The following ABL2 variants were observed in gnomAD, a reference collection of about 807,000 sequenced individuals.
The protein encoded by ABL2 is ABL proto-oncogene 2, non-receptor tyrosine kinase.
A neutral mutation model predicts 107.7 loss-of-function variants in ABL2; 49 were observed. The observed-to-expected ratio is 0.45, with a 90% CI of 0.36 to 0.58. The LOEUF (loss-of-function observed/expected upper bound fraction) is 0.58, where lower values mean the gene tolerates loss of function less well. Ranked by LOEUF, ABL2 falls within the 20% of genes least tolerant of loss-of-function variation. The probability of loss-of-function intolerance (pLI) is 0.00; values close to 1 mark genes in which losing one functional copy is unlikely to be tolerated. For synonymous variants in ABL2, 549 were observed against 548.6 expected, an observed-to-expected ratio of 1.00 and a Z score of -0.01; for missense variants, 1,245 against 1,457.0, an observed-to-expected ratio of 0.85 and a Z score of 2.37.
chr1:179,161,864 C>T (rs941953484), intron 1 of ABL2, among the ~76,000 whole-genome samples: 2 of 152,110 alleles, frequency 1.3e-5, no homozygotes, highest in Admixed American at 6.6e-5. Flanking sequence ...TAGGACATGA[C>T]GGCTCTACCC....
Position 179,107,057 on chromosome 1 carries a change from C to G in ABL2, c.*661G>C. 1 of 230,142 alleles carries G rather than the reference C, an allele frequency of 4.3e-6. No homozygotes were observed. Among genetic ancestry groups the G allele is most frequent in the Non-Finnish European group, 8.6e-6 (1 of 116,122 alleles). 14.3% of individuals were successfully genotyped at this position (230,142 alleles called of 1,614,324 possible). ...TCTGTGTAAGATTTTAGAAGGTTTT[C>G]AATTTCTGATTCAACTTTCCAGCAT... is the stretch of plus-strand genomic sequence containing the variant. On this transcript the variant is annotated 3_prime_UTR_variant, in exon 12 of 12. Coordinates refer to ENST00000502732, the MANE Select transcript of ABL2 (RefSeq NM_007314.4).
chr1:179,101,992 A>ATTTTTTTTTTTTTT lies in ABL2; in HGVS notation c.*5725_*5726insAAAAAAAAAAAAAA, dbSNP rs1557895974. The ATTTTTTTTTTTTTT allele has an allele frequency of 1.0e-5, 1 of 100,298 alleles. No individual in the cohort carries two copies. The highest frequency in any genetic ancestry group is 2.5e-4 in the East Asian group (1 of 3,940). 6.2% of individuals were successfully genotyped at this position (100,298 alleles called of 1,614,324 possible). On this transcript the variant is annotated 3_prime_UTR_variant, in exon 12 of 12. Coordinates refer to ENST00000502732, the MANE Select transcript of ABL2 (RefSeq NM_007314.4). Reference sequence around the variant, plus strand: ...AAAAAAAAGCAAGCTTTGCATTAGAATTTCTTTTTTTTTTTTTTTTTTTTT... The same window carrying ATTTTTTTTTTTTTT: ...AAAAAAAAGCAAGCTTTGCATTAGAATTTTTTTTTTTTTTTTTCTTTTTTTTTTTTTTTTTTTTT...
chr1:179,145,315 T>C (rs1048611219), intron 1 of ABL2, among the ~76,000 whole-genome samples: 8 of 152,194 alleles, frequency 5.3e-5, no homozygotes, highest in Non-Finnish European at 1.2e-4. Context: ...TCTGATACTT[T>C]GTCATAATTA....
chr1:179,117,367 G>GC lies in ABL2; in HGVS notation c.1372dup (p.Ala458GlyfsTer8). 1 of 1,614,102 alleles carries GC rather than the reference G, an allele frequency of 6.2e-7. No individual in the cohort carries two copies. The highest frequency in any genetic ancestry group is 8.5e-7 in the Non-Finnish European group (1 of 1,180,024). On this transcript the variant is annotated frameshift_variant, in exon 8 of 12. Coordinates refer to ENST00000502732, the MANE Select transcript of ABL2 (RefSeq NM_007314.4). LOFTEE classifies it high-confidence loss of function. ...AGATTTAATTGAGAAGGTATTGTAG[G>GC]CAAGACTCTCTGGTGCTGTCCACTT...
chr1:179,226,412 G>A (rs905283667), intron 1 of ABL2, among the ~76,000 whole-genome samples: 4 of 150,216 alleles, frequency 2.7e-5, no homozygotes, highest in African/African-American at 9.8e-5. Flanking sequence ...GGGTTCAAGC[G>A]ATTCTCCTGT....
chr1:179,120,483 G>T (rs926560345), intron 5 of ABL2, among the ~76,000 whole-genome samples: 1 of 152,146 alleles, frequency 6.6e-6, no homozygotes. Context: ...AGGTTGGGGT[G>T]AAGTGGTGTG....
chr1:179,137,519 C>T (rs1402693427), intron 1 of ABL2, among the ~76,000 whole-genome samples: 1 of 151,938 alleles, frequency 6.6e-6, no homozygotes, highest in Non-Finnish European at 1.5e-5. Flanking sequence ...TTTAATTATT[C>T]GTAGTACAGG....
intron 7 of ABL2, 50 bp downstream of exon 7, chr1:179,118,537 C>T: frequency 1.3e-6 from 2 of 1,544,312 alleles, no homozygotes; most frequent in Non-Finnish European, 1.8e-6. Context: ...CTTTTATCTG[C>T]ATGTCAAGCA....
intron 3 of ABL2, among the ~76,000 whole-genome samples, chr1:179,127,208 A>T (rs940892864): frequency 5.3e-5 from 8 of 152,162 alleles, no homozygotes; most frequent in African/African-American, 1.4e-4. Flanking sequence ...AAATGAACAA[A>T]CAAAAAAAAA....
rs1464915744 is a variant in ABL2 at position 179,108,791 on chromosome 1, C to T, written c.2476G>A (p.Val826Met). The T allele has an allele frequency of 4.3e-6, 7 of 1,614,216 alleles. No homozygotes were observed. The highest frequency in any genetic ancestry group is 5.9e-6 in the Non-Finnish European group (7 of 1,180,038). The change falls in exon 12 of 12, where the codon GTG (valine) becomes ATG (methionine). Residue 826 changes from valine to methionine, a missense_variant. Around this residue, in one of 3 missense-constraint regions of ABL2, gnomAD observed 761 missense variants for 766.4 expected, o/e 0.99. Transcript: ENST00000502732. ...GGAAGCATGTCATTGGCCCTGTCCA[C>T]ATTCTCTTCTGGCTGAGAAGAGGTG... is the stretch of plus-strand genomic sequence containing the variant. ...VSTSSQPEEN[V>M]DRANDMLPKK...
intron 1 of ABL2, among the ~76,000 whole-genome samples, chr1:179,140,278 C>T (rs1051081642): frequency 7.2e-5 from 11 of 152,160 alleles, no homozygotes; most frequent in Admixed American, 2.0e-4. Context: ...AGGACCTTTG[C>T]GCTGGCTTTT....
At chr1:179,225,118 C>T (rs1663119902) in intron 1 of ABL2, among the ~76,000 whole-genome samples, 1 of 152,180 alleles carries the variant, frequency 6.6e-6, no homozygotes, top group South Asian at 2.1e-4. Flanking sequence ...AAAAATGGCT[C>T]TATTATTTTT....
rs572360662 is a variant in ABL2, at chr1:179,182,061, G to C, written c.157+47180C>G. On this transcript the variant is annotated intron_variant, in intron 1 of 11. Coordinates refer to ENST00000502732, the MANE Select transcript of ABL2 (RefSeq NM_007314.4). The stretch of plus-strand genomic sequence containing the variant: ...CCCGCCTGCCTCAGCCTCCCAAAGT[G>C]CTGGGAATTACAGGCGTGAGCCACC... Among the ~76,000 whole-genome samples the C allele has an allele frequency of 7.5e-3, 1,116 of 149,382 alleles. 6 individuals carry two copies. Among genetic ancestry groups the C allele is most frequent in the Non-Finnish European group, 0.012 (822 of 67,698 alleles).
intron 1 of ABL2, among the ~76,000 whole-genome samples, chr1:179,217,061 C>T (rs1662602293): frequency 6.6e-6 from 1 of 151,500 alleles, no homozygotes; most frequent in Non-Finnish European, 1.5e-5. Context: ...TTTGGGAGGC[C>T]AAGGCAGGCG....
chr1:179,161,922 C>T (rs1003572008), intron 1 of ABL2, among the ~76,000 whole-genome samples: 1 of 152,222 alleles, frequency 6.6e-6, no homozygotes, highest in East Asian at 1.9e-4. Context: ...GCTGAGAGTT[C>T]AACCCCTCGT....
At position 179,099,368 on chromosome 1, in the gene ABL2, A is replaced by G. The variant is rs1003341815; in HGVS notation, c.*8350T>C. 1.5e-5 allele frequency: 3 copies of G among 202,610 alleles called. No individual in the cohort carries two copies. The highest frequency in any genetic ancestry group is 6.9e-5 in the African/African-American group (3 of 43,658). 12.6% of individuals were successfully genotyped at this position (202,610 alleles called of 1,614,324 possible). A position where few individuals can be genotyped will look rare whatever the true frequency, so the allele number is the denominator to read the frequency against. ...TATTGCAACCTTTATTTAAAACAGAACACAACTTGGCAAACCTTGTGAGAA... is the reference window on the plus strand; with the variant it reads ...TATTGCAACCTTTATTTAAAACAGAGCACAACTTGGCAAACCTTGTGAGAA... On this transcript the variant is annotated 3_prime_UTR_variant, in exon 12 of 12. Transcript: ENST00000502732.
At chr1:179,139,621 A>G (rs1158019886) in intron 1 of ABL2, among the ~76,000 whole-genome samples, 1 of 152,170 alleles carries the variant, frequency 6.6e-6, no homozygotes, top group Non-Finnish European at 1.5e-5. Context: ...CTTCTCATTC[A>G]GTACCACTTC....
intron 11 of ABL2, 32 bp downstream of exon 11, chr1:179,110,250 T>C: frequency 2.5e-6 from 4 of 1,613,150 alleles, no homozygotes; most frequent in Non-Finnish European, 3.4e-6. Context: ...AGGCAGTTTC[T>C]ATTTTGATTC....
chr1:179,217,641 G>C (rs1028685936), intron 1 of ABL2, among the ~76,000 whole-genome samples: 9 of 146,582 alleles, frequency 6.1e-5, no homozygotes, highest in Admixed American at 6.1e-4. Flanking sequence ...AAAAAAAAAA[G>C]AAAAGAAATA....
Sources: gnomAD v4.1 joint callset for allele counts (sites outside exome capture counted in the v4.1 genomes callset) on GRCh38, gnomAD v4.1.1 for gene constraint, gnomAD v4.1.1 regional missense constraint, MANE v1.5 for transcripts, NCBI Gene and HGNC (gene_info 2026-07-23, HGNC 2026-07-21) for gene names.